The following EIF3L variants were observed in gnomAD, a reference collection of about 807,000 sequenced individuals.
The protein encoded by EIF3L is eukaryotic translation initiation factor 3 subunit L.
A neutral mutation model predicts 74.6 loss-of-function variants in EIF3L; 32 were observed. The observed-to-expected ratio is 0.43, with a 90% CI of 0.32 to 0.58. The LOEUF (loss-of-function observed/expected upper bound fraction) is 0.58. Ranked by LOEUF, EIF3L falls within the 20% of genes least tolerant of loss-of-function variation. The pLI, the probability that EIF3L is intolerant of heterozygous loss-of-function variation, is 0.06. For missense variants in EIF3L, 474 were observed against 707.8 expected, an observed-to-expected ratio of 0.67 and a Z score of 3.75; for synonymous variants, 256 against 254.4, an observed-to-expected ratio of 1.01 and a Z score of -0.06.
intron 12 of EIF3L, 182 bp from the exon 13 acceptor site, chr22:37,888,244 G>C (rs1927422424): frequency 1.7e-6 from 1 of 577,632 alleles, no homozygotes; most frequent in Non-Finnish European, 3.1e-6. Flanking sequence ...AATAATCCGC[G>C]TGAACTGTGC....
intron 7 of EIF3L, among the ~76,000 whole-genome samples, chr22:37,865,429 C>T (rs959763308): frequency 1.3e-5 from 2 of 151,572 alleles, no homozygotes; most frequent in East Asian, 3.9e-4. Context: ...CACTGCACTC[C>T]AGCCTGGCGA....
At chr22:37,876,642 T>C (rs1345200147) in intron 10 of EIF3L, 1 of 152,198 alleles carries the variant, frequency 6.6e-6, no homozygotes, top group East Asian at 1.9e-4. Flanking sequence ...GGAGTTTCTG[T>C]TGTGATGCCT....
intron 7 of EIF3L, among the ~76,000 whole-genome samples, chr22:37,864,540 CTT>C (rs34999265): frequency 1.2e-3 from 167 of 138,102 alleles, no homozygotes; most frequent in East Asian, 2.1e-3. Flanking sequence ...TGTTTACTGG[CTT>C]TTTTTTTTTT....
At chr22:37,878,262 A>G in intron 11 of EIF3L, 91 bp downstream of exon 11, 1 of 1,474,850 alleles carries the variant, frequency 6.8e-7, no homozygotes, top group South Asian at 1.4e-5. Context: ...TCGGGGAACA[A>G]AAAGATTCCT....
At chr22:37,870,855 T>G (rs184581239) in intron 8 of EIF3L, among the ~76,000 whole-genome samples, 1 of 152,284 alleles carries the variant, frequency 6.6e-6, no homozygotes, top group East Asian at 1.9e-4. Context: ...CCAGGCACTG[T>G]GGCTCACACC....
At chr22:37,881,510 G>C (rs1024341880) in intron 11 of EIF3L, 13 of 152,384 alleles carry the variant, frequency 8.5e-5, no homozygotes, top group African/African-American at 3.1e-4. Context: ...CCGGGTTCAG[G>C]CGATTTTCCT....
chr22:37,865,468 A>AT (rs760362640), intron 7 of EIF3L, among the ~76,000 whole-genome samples: 14 of 152,260 alleles, frequency 9.2e-5, no homozygotes, highest in Non-Finnish European at 1.8e-4. Context: ...CAAAAAAAAA[A>AT]CCAAAAAAAA....
At chr22:37,886,913 A>C (rs1257172294) in intron 12 of EIF3L, 68 bp downstream of exon 12, 2 of 1,300,794 alleles carry the variant, frequency 1.5e-6, no homozygotes, top group East Asian at 5.0e-5. Context: ...TCGAGAGTTT[A>C]CTTTTTTTTA....
intron 2 of EIF3L, 149 bp downstream of exon 2, chr22:37,850,212 A>G: frequency 2.6e-6 from 2 of 783,678 alleles, no homozygotes; most frequent in Non-Finnish European, 4.3e-6. Flanking sequence ...GGGTTTTATA[A>G]AGCCTAATAA....
rs1428435563 is a variant in EIF3L, at chr22:37,877,812, C to A, written c.1216C>A (p.Pro406Thr). Residue 406 changes from proline to threonine, a missense_variant, in exon 11 of 13, where the codon CCA becomes ACA. By Grantham distance (38) the Pro-to-Thr change is conservative. Coordinates refer to ENST00000652021, the MANE Select transcript of EIF3L (RefSeq NM_016091.4). ...DKMLRMQKGD[P>T]QVYEELFSYS... ...GATGTTGCGCATGCAGAAAGGTGAC[C>A]CACAAGTCTATGAAGAACTTTTCAG... The A allele has an allele frequency of 6.2e-7, 1 of 1,613,758 alleles. No homozygotes were observed.
At chr22:37,877,084 C>A (rs572782465) in intron 10 of EIF3L, 2 of 152,744 alleles carry the variant, frequency 1.3e-5, no homozygotes, top group African/African-American at 4.8e-5. Context: ...AATGTACTTA[C>A]ACAAACCTAG....
chr22:37,874,443 C>G lies in EIF3L; in HGVS notation c.825C>G (p.Val275=). ...AAATGCTTGGTTACTTCAGCCTGGT[C>G]GGGCTTCTCCGCCTGCACTCCCTGT... ...LYKMLGYFSL[V]GLLRLHSLLG... Residue 275 remains valine (V), a synonymous_variant, in exon 9 of 13, where the codon GTC becomes GTG. Transcript: ENST00000652021. 1.2e-6 allele frequency: 2 copies of G among 1,614,080 alleles called. No homozygotes were observed. The highest frequency in any genetic ancestry group is 1.7e-6 in the Non-Finnish European group (2 of 1,180,014).
chr22:37,851,554 C>T, intron 3 of EIF3L, 64 bp downstream of exon 3: 2 of 814,708 alleles, frequency 2.5e-6, no homozygotes, highest in Non-Finnish European at 1.9e-6. Context: ...ATAGTTCCTA[C>T]AAATGAGGTG....
At chr22:37,873,101 G>A (rs1393701570) in intron 8 of EIF3L, among the ~76,000 whole-genome samples, 1 of 151,304 alleles carries the variant, frequency 6.6e-6, no homozygotes, top group African/African-American at 2.4e-5. Context: ...CAATTCTCCT[G>A]CCTCAGCCTC....
At chr22:37,853,045 G>C (rs1925311848) in intron 3 of EIF3L, among the ~76,000 whole-genome samples, 1 of 152,158 alleles carries the variant, frequency 6.6e-6, no homozygotes, top group African/African-American at 2.4e-5. Context: ...TATCTGTACA[G>C]GTCTCCAGCA....
chr22:37,869,331 A>G lies in EIF3L; in HGVS notation c.580-845A>G, dbSNP rs188722004. Among the ~76,000 whole-genome samples, 374 of 152,008 alleles carry G rather than the reference A, an allele frequency of 2.5e-3. 1 individual carries two copies. Among genetic ancestry groups the G allele is most frequent in the Non-Finnish European group, 3.7e-3 (249 of 67,976 alleles). On this transcript the variant is annotated intron_variant, in intron 7 of 12. Transcript: ENST00000652021. ...TTTTTTATAGCGATAGGGTTTTGCC[A>G]TGTTTCCCAGGCTGGTCTTGAGCTC...
intron 9 of EIF3L, among the ~76,000 whole-genome samples, chr22:37,875,406 G>A (rs773892894): frequency 1.3e-5 from 2 of 151,872 alleles, no homozygotes; most frequent in Non-Finnish European, 2.9e-5. Context: ...AAGTAAAGAT[G>A]TAATTCTAAG....
chr22:37,857,809 C>A (rs899021377), intron 4 of EIF3L, among the ~76,000 whole-genome samples: 12 of 152,086 alleles, frequency 7.9e-5, no homozygotes, highest in Admixed American at 2.0e-4. Flanking sequence ...GCTGGGATTA[C>A]AGGCATGAGC....
chr22:37,878,955 T>G (rs946958891), intron 11 of EIF3L: 1 of 150,246 alleles, frequency 6.7e-6, no homozygotes. Flanking sequence ...GGTTTTTTTT[T>G]TTTTTTTTTT....
Sources: allele counts gnomAD v4.1 joint callset (sites outside exome capture counted in the v4.1 genomes callset), GRCh38; gene constraint gnomAD v4.1.1; transcripts MANE v1.5; gene names NCBI Gene and HGNC (gene_info 2026-07-23, HGNC 2026-07-21).